The following MAP3K5 variants were observed in gnomAD, a reference collection of about 807,000 sequenced individuals.
MAP3K5 encodes ASK-1.
A neutral mutation model predicts 158.7 loss-of-function variants in MAP3K5; 56 were observed. The ratio of observed to expected loss-of-function variants is 0.35; its 90% CI spans 0.28 to 0.44. The LOEUF (loss-of-function observed/expected upper bound fraction) is 0.44, where lower values mean the gene tolerates loss of function less well. Ranked by LOEUF, MAP3K5 falls within the 20% of genes least tolerant of loss-of-function variation. The pLI is 1.00. For synonymous variants in MAP3K5, 579 were observed against 601.7 expected (o/e 0.96, Z 0.55); for missense variants, 1,294 against 1,674.8 (o/e 0.77, Z 3.97).
chr6:136,622,614 G>A (rs769444772), intron 15 of MAP3K5, among the ~76,000 whole-genome samples: 1 of 152,080 alleles, frequency 6.6e-6, no homozygotes, highest in Non-Finnish European at 1.5e-5. Flanking sequence ...AAGACAACCT[G>A]AGCCTAACAC....
intron 1 of MAP3K5, among the ~76,000 whole-genome samples, chr6:136,757,189 C>T (rs1354239850): frequency 6.6e-6 from 1 of 152,196 alleles, no homozygotes; most frequent in African/African-American, 2.4e-5. Context: ...GAGCCACGTG[C>T]AATAATCAAG....
In MAP3K5 at chr6:136,601,933, G is replaced by A; in HGVS notation, c.2726C>T (p.Ala909Val). Residue 909 changes from alanine (A) to valine (V), a missense_variant, in exon 20 of 30, where the codon GCA becomes GTA. Ala to Val is a moderately conservative substitution (Grantham distance 64). Coordinates refer to ENST00000359015, the MANE Select transcript of MAP3K5 (RefSeq NM_005923.4). ...VHPEIPESMS[A>V]EAKAFILKCF... ...TTTCAGTATGAATGCCTTGGCCTCTGCAGACATGGACTCTGGGATCTCAGG... is the reference window on the plus strand; with the variant it reads ...TTTCAGTATGAATGCCTTGGCCTCTACAGACATGGACTCTGGGATCTCAGG... 1 of 1,614,154 alleles carries A rather than the reference G, an allele frequency of 6.2e-7. No homozygotes were observed. Among genetic ancestry groups the A allele is most frequent in the Non-Finnish European group, 8.5e-7 (1 of 1,180,012 alleles).
intron 1 of MAP3K5, among the ~76,000 whole-genome samples, chr6:136,779,162 A>T (rs1255270002): frequency 6.6e-6 from 1 of 152,168 alleles, no homozygotes; most frequent in Non-Finnish European, 1.5e-5. Flanking sequence ...TTAGCTGGGC[A>T]TGGTAACCTG....
intron 1 of MAP3K5, among the ~76,000 whole-genome samples, chr6:136,774,738 T>TATTC (rs1784342665): frequency 6.6e-6 from 1 of 152,192 alleles, no homozygotes; most frequent in Admixed American, 6.5e-5. Context: ...GAAAGTGTGA[T>TATTC]ATTCATTCAA....
intron 14 of MAP3K5, among the ~76,000 whole-genome samples, chr6:136,624,549 A>G (rs1776949532): frequency 6.6e-6 from 1 of 152,198 alleles, no homozygotes; most frequent in Non-Finnish European, 1.5e-5. Context: ...TACATATTAG[A>G]CAACAAAGAA....
In MAP3K5 at chr6:136,611,369, T is replaced by C; in HGVS notation, c.2434A>G (p.Asn812Asp). 6.2e-7 allele frequency: 1 copy of C among 1,604,930 alleles called. No individual in the cohort carries two copies. Among genetic ancestry groups the C allele is most frequent in the Non-Finnish European group, 8.5e-7 (1 of 1,171,912 alleles). The change falls in exon 18 of 30, where the codon AAT becomes GAT. Residue 812 changes from asparagine to aspartate, a missense_variant. By Grantham distance (23) the Asn-to-Asp change is conservative. This residue lies in a region of MAP3K5 where 362 missense variants were observed against 463.2 expected (regional missense o/e 0.78). Coordinates refer to ENST00000359015, the MANE Select transcript of MAP3K5 (RefSeq NM_005923.4). Reference protein sequence around the residue: ...RDIKGDNVLINTYSGVLKISD... With the variant: ...RDIKGDNVLIDTYSGVLKISD... ...ATCTTGAGAACACCACTGTAGGTAT[T>C]AATCAACACATTGTCACCCTAGAGA...
chr6:136,675,727 A>G (rs1424216152), intron 7 of MAP3K5, among the ~76,000 whole-genome samples: 1 of 152,160 alleles, frequency 6.6e-6, no homozygotes, highest in Non-Finnish European at 1.5e-5. Context: ...AACGAACAGC[A>G]TATCATCTTC....
chr6:136,759,573 C>T (rs947387523), intron 1 of MAP3K5, among the ~76,000 whole-genome samples: 2 of 149,352 alleles, frequency 1.3e-5, no homozygotes, highest in Non-Finnish European at 3.0e-5. Flanking sequence ...TAGGCTCGAG[C>T]GATCCTCCCA....
chr6:136,780,863 T>C (rs1047933339), intron 1 of MAP3K5, among the ~76,000 whole-genome samples: 6 of 152,290 alleles, frequency 3.9e-5, no homozygotes, highest in Admixed American at 3.3e-4. Flanking sequence ...ATGGGGAATG[T>C]AGGTCGTTCC....
intron 7 of MAP3K5, among the ~76,000 whole-genome samples, chr6:136,675,664 A>G (rs1289186056): frequency 6.6e-6 from 1 of 152,138 alleles, no homozygotes. Context: ...TTAAATGTAG[A>G]TATTGGAAAA....
intron 1 of MAP3K5, among the ~76,000 whole-genome samples, chr6:136,789,061 G>T (rs1784959389): frequency 6.6e-6 from 1 of 152,148 alleles, no homozygotes; most frequent in African/African-American, 2.4e-5. Flanking sequence ...ACTTTGGGAG[G>T]CCAAGGCAGG....
In MAP3K5 at chr6:136,727,425, A is replaced by G. The variant is rs561929534; in HGVS notation, c.449-6836T>C. Reference sequence around the variant, plus strand: ...AGATCAGCTAGAAAGTGTTGCCACCAGAATTCAAACCCAAGCAATCCAGCT... The same window carrying G: ...AGATCAGCTAGAAAGTGTTGCCACCGGAATTCAAACCCAAGCAATCCAGCT... On this transcript the variant is annotated intron_variant, in intron 1 of 29. Coordinates refer to ENST00000359015, the MANE Select transcript of MAP3K5 (RefSeq NM_005923.4). 2.4e-3 allele frequency among the ~76,000 whole-genome samples: 363 copies of G among 152,328 alleles called. 1 individual carries two copies. Among genetic ancestry groups the G allele is most frequent in the African/African-American group, 7.9e-3 (327 of 41,566 alleles).
intron 1 of MAP3K5, among the ~76,000 whole-genome samples, chr6:136,777,502 A>G (rs981068710): frequency 3.3e-5 from 5 of 152,228 alleles, no homozygotes; most frequent in African/African-American, 1.2e-4. Flanking sequence ...AACCAAAGCT[A>G]GTTTCCCAAG....
At chr6:136,639,368 AC>A (rs113792582) in intron 13 of MAP3K5, among the ~76,000 whole-genome samples, 174 bp downstream of exon 13, 8,058 of 149,362 alleles carry the variant, frequency 0.054, 520 homozygotes, top group African/African-American at 0.16. Context: ...ATTAAAGAAA[AC>A]CCCCCCCCAA....
At chr6:136,729,099 G>A (rs964919440) in intron 1 of MAP3K5, among the ~76,000 whole-genome samples, 1 of 152,128 alleles carries the variant, frequency 6.6e-6, no homozygotes, top group Non-Finnish European at 1.5e-5. Context: ...AGAATGTGAA[G>A]GCAGAGAAAG....
chr6:136,791,766 T>G lies in MAP3K5; in HGVS notation c.392A>C (p.His131Pro). 1 of 1,613,476 alleles carries G rather than the reference T, an allele frequency of 6.2e-7. No homozygotes were observed. Among genetic ancestry groups the G allele is most frequent in the Non-Finnish European group, 8.5e-7 (1 of 1,180,010 alleles). ...TTCTCCAAAGTCGAGTTTCCCAAAA[T>G]GCAGGGTTTCCAGGGTGGCGCCCAC... ...ETVGATLETL[H>P]FGKLDFGETT... is the part of the protein sequence containing the mutation. Residue 131 changes from histidine (H) to proline (P), a missense_variant, in exon 1 of 30, where the codon CAT becomes CCT. This residue lies in a region of MAP3K5 where 690 missense variants were observed against 870.5 expected (regional missense o/e 0.79). Coordinates refer to ENST00000359015, the MANE Select transcript of MAP3K5 (RefSeq NM_005923.4).
intron 14 of MAP3K5, among the ~76,000 whole-genome samples, chr6:136,625,663 G>T (rs921268678): frequency 6.6e-6 from 1 of 152,168 alleles, no homozygotes; most frequent in Non-Finnish European, 1.5e-5. Flanking sequence ...GTGCCTGGCA[G>T]AAACAAAGCA....
At chr6:136,712,150 T>G (rs894913304) in intron 2 of MAP3K5, among the ~76,000 whole-genome samples, 6 of 151,842 alleles carry the variant, frequency 4.0e-5, no homozygotes, top group African/African-American at 1.5e-4. Flanking sequence ...TGAATGACAT[T>G]TTATACATAA....
chr6:136,651,670 G>A (rs1778524076), intron 10 of MAP3K5, among the ~76,000 whole-genome samples: 2 of 152,136 alleles, frequency 1.3e-5, no homozygotes, highest in South Asian at 4.1e-4. Flanking sequence ...CTGCCTTCCA[G>A]ATGAAACTGG....
Sources: gnomAD v4.1 joint callset for allele counts (sites outside exome capture counted in the v4.1 genomes callset) on GRCh38, gnomAD v4.1.1 for gene constraint, gnomAD v4.1.1 regional missense constraint, MANE v1.5 for transcripts, NCBI Gene and HGNC (gene_info 2026-07-23, HGNC 2026-07-21) for gene names.